Variants in NDFIP2 observed in about 807,000 individuals in gnomAD.
NDFIP2 encodes the protein NEDD4 family-interacting protein 2.
NDFIP2 carries 19 observed loss-of-function variants against 36.0 expected under a neutral mutation model. The observed-to-expected ratio is 0.53, with a 90% CI of 0.37 to 0.77. NDFIP2 has a LOEUF of 0.77. Among genes scored for constraint, NDFIP2 ranks in the 30% least tolerant of loss-of-function variants. The pLI is 0.00. For synonymous variants in NDFIP2, 181 were observed against 167.7 expected (o/e 1.08, Z -0.61); for missense variants, 446 against 435.8 (o/e 1.02, Z -0.21).
intron 1 of NDFIP2, among the ~76,000 whole-genome samples, chr13:79,494,835 AG>A (rs1873376591): frequency 6.6e-6 from 1 of 151,966 alleles, no homozygotes; most frequent in African/African-American, 2.4e-5. Context: ...TAATACCTGT[AG>A]TGATAATAAC....
At chr13:79,483,667 A>G (rs1171029295) in intron 1 of NDFIP2, among the ~76,000 whole-genome samples, 1 of 152,220 alleles carries the variant, frequency 6.6e-6, no homozygotes, top group East Asian at 1.9e-4. Flanking sequence ...AGCTTTTCAT[A>G]CTGGAAAGCT....
intron 1 of NDFIP2, among the ~76,000 whole-genome samples, chr13:79,493,659 G>A (rs796792558): frequency 2.6e-5 from 4 of 152,228 alleles, no homozygotes; most frequent in African/African-American, 7.2e-5. Flanking sequence ...TACCGTAAAC[G>A]TAGCAACAGA....
rs1875974568 is a variant in NDFIP2 at position 79,553,226 on chromosome 13, A to G, written c.*713A>G. On this transcript the variant is annotated 3_prime_UTR_variant, in exon 8 of 8. Coordinates refer to ENST00000218652, the MANE Select transcript of NDFIP2 (RefSeq NM_019080.3). Reference sequence around the variant, plus strand: ...TATATATACACACACACATATATATATTTAGAAACGTGAGTGTTAAAGATA... The same window carrying G: ...TATATATACACACACACATATATATGTTTAGAAACGTGAGTGTTAAAGATA... 1 of 151,216 alleles carries G rather than the reference A, an allele frequency of 6.6e-6. No homozygotes were observed. The highest frequency in any genetic ancestry group is 1.5e-5 in the Non-Finnish European group (1 of 67,414). 9.4% of individuals were successfully genotyped at this position (151,216 alleles called of 1,614,324 possible). A position where few individuals can be genotyped will look rare whatever the true frequency, so the allele number is the denominator to read the frequency against.
At chr13:79,494,620 C>T (rs1873369038) in intron 1 of NDFIP2, among the ~76,000 whole-genome samples, 1 of 151,902 alleles carries the variant, frequency 6.6e-6, no homozygotes, top group African/African-American at 2.4e-5. Context: ...CTCTCTAAGC[C>T]TGATGCACAG....
intron 1 of NDFIP2, among the ~76,000 whole-genome samples, chr13:79,508,644 G>T (rs924370502): frequency 1.3e-5 from 2 of 152,162 alleles, no homozygotes; most frequent in South Asian, 2.1e-4. Flanking sequence ...GTGGGGTTTA[G>T]CCGGCTTCTT....
At position 79,523,782 on chromosome 13, in the gene NDFIP2, G is replaced by GAT. The variant is rs551322888; in HGVS notation, c.487+2808_487+2809dup. Among the ~76,000 whole-genome samples the GAT allele has an allele frequency of 3.0e-3, 454 of 152,284 alleles. 2 individuals carry two copies. The highest frequency in any genetic ancestry group is 0.01 in the African/African-American group (432 of 41,568). ...GTGATGTAGTGTTAAGGCTACTATT[G>GAT]ATCTTCTGATGATATGTCAGAAGGG... On this transcript the variant is annotated intron_variant, in intron 2 of 7. Transcript: ENST00000218652.
intron 2 of NDFIP2, among the ~76,000 whole-genome samples, chr13:79,531,016 C>T (rs1006767793): frequency 1.6e-4 from 24 of 152,140 alleles, no homozygotes; most frequent in African/African-American, 5.3e-4. Context: ...TGGCAGCAAT[C>T]GTCTTATGAA....
intron 6 of NDFIP2, among the ~76,000 whole-genome samples, chr13:79,549,494 C>T (rs1594861606): frequency 6.6e-6 from 1 of 151,832 alleles, no homozygotes; most frequent in Non-Finnish European, 1.5e-5. Context: ...ATGCCAGTTC[C>T]ACTTCAGAGC....
Position 79,551,032 on chromosome 13 carries a change from T to A in NDFIP2, c.923T>A (p.Phe308Tyr). The A allele has an allele frequency of 6.3e-7, 1 of 1,598,808 alleles. No homozygotes were observed. ...IFLVLGLLLF[F>Y]RGFVNYLKVR... ...ACCTTCTCAGGCCTGCTCCTTTTCT[T>A]CAGAGGATTTGTTAATTATCTAAAA... is the stretch of plus-strand genomic sequence containing the variant. Residue 308 changes from phenylalanine to tyrosine, a missense_variant, in exon 7 of 8, where the codon TTC becomes TAC. Around this residue, in one of 2 missense-constraint regions of NDFIP2, gnomAD observed 77 missense variants for 131.0 expected, o/e 0.59. Coordinates refer to ENST00000218652, the MANE Select transcript of NDFIP2 (RefSeq NM_019080.3).
intron 2 of NDFIP2, among the ~76,000 whole-genome samples, chr13:79,530,562 A>G (rs770275894): frequency 3.9e-5 from 6 of 152,336 alleles, no homozygotes; most frequent in East Asian, 3.9e-4. Flanking sequence ...ACTGGAGTCA[A>G]TTCTCTCAAT....
chr13:79,549,300 G>A (rs1452499777), intron 6 of NDFIP2, among the ~76,000 whole-genome samples: 1 of 151,952 alleles, frequency 6.6e-6, no homozygotes, highest in Non-Finnish European at 1.5e-5. Flanking sequence ...TTTATATTAT[G>A]TGTTCTAACT....
chr13:79,538,499 TC>T (rs1159162471), intron 3 of NDFIP2, among the ~76,000 whole-genome samples: 1 of 152,078 alleles, frequency 6.6e-6, no homozygotes, highest in Non-Finnish European at 1.5e-5. Flanking sequence ...ATATGCTGGT[TC>T]CAAAAGGGAG....
rs542536313 is a variant in NDFIP2, at chr13:79,551,276, TAA to T, written c.*2+155_*2+156del. Among the ~76,000 whole-genome samples, 181 of 151,674 alleles carry T rather than the reference TAA, an allele frequency of 1.2e-3. 2 individuals carry two copies. Among genetic ancestry groups the T allele is most frequent in the African/African-American group, 4.1e-3 (172 of 41,538 alleles). On this transcript the variant is annotated intron_variant, in intron 7 of 7. Transcript: ENST00000218652. ...TAACAGTCAGCTTATTGAAATTTGA[TAA>T]GTCATAGACCTTTTTAGATAACTTT...
chr13:79,547,386 G>C (rs1045210495), intron 5 of NDFIP2, among the ~76,000 whole-genome samples: 2 of 152,138 alleles, frequency 1.3e-5, no homozygotes, highest in African/African-American at 4.8e-5. Flanking sequence ...AGTTACATCA[G>C]ATTCAGTTTG....
At chr13:79,540,156 G>A (rs538429490) in intron 4 of NDFIP2, among the ~76,000 whole-genome samples, 1 of 152,302 alleles carries the variant, frequency 6.6e-6, no homozygotes, top group South Asian at 2.1e-4. Flanking sequence ...CCATTTGAGT[G>A]TCCTTAAGCT....
chr13:79,550,960 A>G (rs973066450), intron 6 of NDFIP2, 57 bp from the exon 7 acceptor site: 7 of 1,008,436 alleles, frequency 6.9e-6, no homozygotes, highest in South Asian at 3.6e-5. Context: ...CTTTAAATTT[A>G]TCTTGCCCTT....
At chr13:79,526,515 T>C (rs751163316) in intron 2 of NDFIP2, among the ~76,000 whole-genome samples, 3 of 151,922 alleles carry the variant, frequency 2.0e-5, no homozygotes, top group Non-Finnish European at 2.9e-5. Flanking sequence ...CATTTAACAG[T>C]GAGTAGGGGA....
chr13:79,541,694 C>CT, intron 4 of NDFIP2, among the ~76,000 whole-genome samples: 1 of 152,004 alleles, frequency 6.6e-6, no homozygotes, highest in Non-Finnish European at 1.5e-5. Context: ...TATCTAATAG[C>CT]TACTGTGGGT....
intron 1 of NDFIP2, among the ~76,000 whole-genome samples, chr13:79,515,129 T>C (rs1228291044): frequency 1.3e-5 from 2 of 152,154 alleles, no homozygotes; most frequent in African/African-American, 4.8e-5. Context: ...TATAAACTTG[T>C]ACAGCATGTT....
Sources: gnomAD v4.1 joint callset for allele counts (sites outside exome capture counted in the v4.1 genomes callset) on GRCh38, gnomAD v4.1.1 for gene constraint, gnomAD v4.1.1 regional missense constraint, MANE v1.5 for transcripts, NCBI Gene and HGNC (gene_info 2026-07-23, HGNC 2026-07-21) for gene names.